The following SLC22A15 variants were observed in gnomAD, a reference collection of about 807,000 sequenced individuals.
The protein encoded by SLC22A15 is solute carrier family 22 member 15.
A neutral mutation model predicts 62.7 loss-of-function variants in SLC22A15; 45 were observed. The observed-to-expected ratio is 0.72, with a 90% confidence interval of 0.56 to 0.92. SLC22A15 has a LOEUF of 0.92. SLC22A15 is among the 40% of genes least tolerant of loss of function. The pLI, the probability that SLC22A15 is intolerant of heterozygous loss-of-function variation, is 0.00. For synonymous variants in SLC22A15, 264 were observed against 267.0 expected (o/e 0.99, Z 0.11); for missense variants, 622 against 665.6 (o/e 0.93, Z 0.72).
At chr1:115,988,242 A>T (rs1654971722) in intron 1 of SLC22A15, among the ~76,000 whole-genome samples, 1 of 152,200 alleles carries the variant, frequency 6.6e-6, no homozygotes, top group Non-Finnish European at 1.5e-5. Flanking sequence ...TTTAAGGCCC[A>T]TCTGCTGATG....
intron 8 of SLC22A15, among the ~76,000 whole-genome samples, chr1:116,042,852 C>T (rs554659080): frequency 4.4e-4 from 67 of 152,228 alleles, no homozygotes; most frequent in African/African-American, 1.5e-3. Flanking sequence ...TTACCCTAAA[C>T]CAATAGAATA....
intron 2 of SLC22A15, among the ~76,000 whole-genome samples, chr1:115,996,053 C>A (rs1453276878): frequency 6.6e-6 from 1 of 152,144 alleles, no homozygotes; most frequent in African/African-American, 2.4e-5. Context: ...TCCTCCCATC[C>A]CTTACCCTTT....
At chr1:115,993,428 A>AGTGTGT (rs762008398) in intron 2 of SLC22A15, among the ~76,000 whole-genome samples, 5,298 of 143,322 alleles carry the variant, frequency 0.037, 316 homozygotes, top group African/African-American at 0.13. Context: ...AGTGTGTGAG[A>AGTGTGT]GTGTGTGTGT....
chr1:116,031,063 T>G (rs1657371340), intron 5 of SLC22A15, among the ~76,000 whole-genome samples: 1 of 152,180 alleles, frequency 6.6e-6, no homozygotes, highest in African/African-American at 2.4e-5. Context: ...GAATAATATG[T>G]TAATATTTAA....
In SLC22A15 at chr1:115,976,722, C is replaced by T. The variant is rs1180105679; in HGVS notation, c.87+8C>T. 1 of 1,575,352 alleles carries T rather than the reference C, an allele frequency of 6.3e-7. No individual in the cohort carries two copies. Among genetic ancestry groups the T allele is most frequent in the East Asian group, 2.4e-5 (1 of 41,064 alleles). On this transcript the variant is annotated splice_region_variant and intron_variant, in intron 1 of 11. Coordinates refer to ENST00000369503, the MANE Select transcript of SLC22A15 (RefSeq NM_018420.3). Reference sequence around the variant, plus strand: ...CTGGCCGTGCTGCTGCAGGTAAGTCCCCGCGGCCCCGCAGCCGCATTTCCC... The same window carrying T: ...CTGGCCGTGCTGCTGCAGGTAAGTCTCCGCGGCCCCGCAGCCGCATTTCCC...
intron 1 of SLC22A15, among the ~76,000 whole-genome samples, chr1:115,988,541 G>T (rs967613909): frequency 1.8e-4 from 28 of 152,000 alleles, no homozygotes; most frequent in African/African-American, 4.3e-4. Flanking sequence ...CTATTTTTTG[G>T]GGGGGGACTC....
intron 1 of SLC22A15, among the ~76,000 whole-genome samples, chr1:115,990,036 A>G (rs1477644286): frequency 6.6e-6 from 1 of 152,246 alleles, no homozygotes; most frequent in East Asian, 1.9e-4. Context: ...AATATAATAC[A>G]GTGAAGGAAA....
chr1:116,010,306 G>A (rs1222295490), intron 2 of SLC22A15, among the ~76,000 whole-genome samples: 2 of 152,174 alleles, frequency 1.3e-5, no homozygotes, highest in African/African-American at 4.8e-5. Flanking sequence ...TTGACTGACT[G>A]TTATCTTGAG....
intron 8 of SLC22A15, among the ~76,000 whole-genome samples, chr1:116,037,852 G>A (rs1657674569): frequency 6.6e-6 from 1 of 152,174 alleles, no homozygotes; most frequent in African/African-American, 2.4e-5. Flanking sequence ...AATGGGGATG[G>A]TATTCACTGT....
rs1658566658 is a variant in SLC22A15 at position 116,069,399 on chromosome 1, C to T, written c.*2291C>T. 1 of 152,014 alleles carries T rather than the reference C, an allele frequency of 6.6e-6. No individual in the cohort carries two copies. Among genetic ancestry groups the T allele is most frequent in the Non-Finnish European group, 1.5e-5 (1 of 68,024 alleles). The allele number at this position is 152,014 out of a possible 1,614,324, so 9.4% of individuals were successfully genotyped here. A position where few individuals can be genotyped will look rare whatever the true frequency, so the allele number is the denominator to read the frequency against. On this transcript the variant is annotated 3_prime_UTR_variant, in exon 12 of 12. Coordinates refer to ENST00000369503, the MANE Select transcript of SLC22A15 (RefSeq NM_018420.3). ...TTGCATTGATTAAATTATTGGAAAA[C>T]TTTTCATTGACAGGTAATGTATTTT...
intron 1 of SLC22A15, 58 bp downstream of exon 1, chr1:115,976,772 C>A (rs966150010): frequency 2.2e-6 from 3 of 1,361,554 alleles, no homozygotes; most frequent in Non-Finnish European, 3.0e-6. Context: ...CGGCGCAGGG[C>A]TAGGCGTCCG....
chr1:115,980,038 C>A (rs759822003), intron 1 of SLC22A15, among the ~76,000 whole-genome samples: 13 of 151,202 alleles, frequency 8.6e-5, no homozygotes, highest in Non-Finnish European at 1.9e-4. Flanking sequence ...CTGGAATGAC[C>A]AGTGCATTAA....
At chr1:116,019,507 G>GT (rs1656710311) in intron 2 of SLC22A15, 75 bp from the exon 3 acceptor site, 1 of 1,438,070 alleles carries the variant, frequency 7.0e-7, no homozygotes, top group African/African-American at 1.4e-5. Context: ...TGGTGTACAA[G>GT]TTTTTGTTGC....
chr1:116,029,889 A>G (rs1306737236), intron 5 of SLC22A15, among the ~76,000 whole-genome samples: 1 of 152,148 alleles, frequency 6.6e-6, no homozygotes, highest in African/African-American at 2.4e-5. Context: ...AATTTTTATT[A>G]TCATATATTT....
chr1:116,028,678 T>C (rs893777830), intron 5 of SLC22A15, among the ~76,000 whole-genome samples: 1 of 152,128 alleles, frequency 6.6e-6, no homozygotes, highest in African/African-American at 2.4e-5. Flanking sequence ...TATTTACTTA[T>C]TCCACTAAGC....
At chr1:116,060,674 T>C (rs770233633) in intron 8 of SLC22A15, among the ~76,000 whole-genome samples, 1 of 152,192 alleles carries the variant, frequency 6.6e-6, no homozygotes, top group Non-Finnish European at 1.5e-5. Flanking sequence ...TCATTCTGTT[T>C]CCTGGAAAAT....
At chr1:116,050,224 A>G (rs998170945) in intron 8 of SLC22A15, among the ~76,000 whole-genome samples, 3 of 152,206 alleles carry the variant, frequency 2.0e-5, no homozygotes, top group African/African-American at 7.2e-5. Context: ...GAAAGAAGGA[A>G]CCTTCCCTAA....
intron 2 of SLC22A15, among the ~76,000 whole-genome samples, chr1:115,993,457 GTCTGTCTGTC>G (rs1655258045): frequency 6.7e-6 from 1 of 149,204 alleles, no homozygotes; most frequent in African/African-American, 2.5e-5. Flanking sequence ...GTGTGTGTGT[GTCTGTCTGTC>G]TGTCTGTCTG....
intron 8 of SLC22A15, among the ~76,000 whole-genome samples, chr1:116,061,221 A>G (rs578193024): frequency 6.6e-6 from 1 of 152,298 alleles, no homozygotes; most frequent in East Asian, 1.9e-4. Flanking sequence ...GACAGGCAAG[A>G]TGGAAAAGTA....
Sources: gnomAD v4.1 joint callset for allele counts (sites outside exome capture counted in the v4.1 genomes callset) on GRCh38, gnomAD v4.1.1 for gene constraint, MANE v1.5 for transcripts, NCBI Gene and HGNC (gene_info 2026-07-23, HGNC 2026-07-21) for gene names.